ANO2: variants seen among roughly 807,000 people sequenced by gnomAD.
ANO2 encodes the protein anoctamin-2.
ANO2 carries 101 observed loss-of-function variants against 124.2 expected under a neutral mutation model. The observed-to-expected ratio is 0.81, with a 90% CI of 0.69 to 0.96. ANO2 has a LOEUF of 0.96. Ranked by LOEUF, ANO2 falls within the 40% of genes least tolerant of loss-of-function variation. ANO2 has a pLI of 0.00. For synonymous variants in ANO2, 486 were observed against 482.5 expected (o/e 1.01, Z -0.09); for missense variants, 1,293 against 1,274.5 (o/e 1.01, Z -0.22).
At chr12:5,939,485 G>A (rs1942809259) in intron 1 of ANO2, among the ~76,000 whole-genome samples, 1 of 151,956 alleles carries the variant, frequency 6.6e-6, no homozygotes, top group South Asian at 2.1e-4. Flanking sequence ...CCCCACCTGT[G>A]GTATGCAGAA....
rs1289995995 is a variant in ANO2 at position 5,923,177 on chromosome 12, CACACACAT to C, written c.23-381_23-374del. ...ACACACACGCATACACACACACGCA[CACACACAT>C]ACACACACACGCACGCACACACACC... On this transcript the variant is annotated intron_variant, in intron 1 of 24. Coordinates refer to ENST00000682330, the MANE Select transcript of ANO2 (RefSeq NM_001364791.2). Among the ~76,000 whole-genome samples, 102 of 63,746 alleles carry C rather than the reference CACACACAT, an allele frequency of 1.6e-3. 11 individuals carry two copies. The highest frequency in any genetic ancestry group is 3.9e-3 in the African/African-American group (93 of 23,860). The allele number at this position is 63,746 out of a possible 152,430, so 41.8% of individuals were successfully genotyped here. A position where few individuals can be genotyped will look rare whatever the true frequency, so the allele number is the denominator to read the frequency against.
intron 19 of ANO2, among the ~76,000 whole-genome samples, chr12:5,608,454 A>C (rs1944324471): frequency 6.6e-6 from 1 of 152,052 alleles, no homozygotes; most frequent in Non-Finnish European, 1.5e-5. Context: ...GTAGAAATTG[A>C]AAGGAAACAT....
intron 1 of ANO2, among the ~76,000 whole-genome samples, chr12:5,936,894 A>G (rs1218621595): frequency 6.6e-6 from 1 of 152,214 alleles, no homozygotes; most frequent in African/African-American, 2.4e-5. Context: ...ATTTTTATAG[A>G]ATTTTATTTT....
At chr12:5,682,267 T>G (rs535626538) in intron 14 of ANO2, among the ~76,000 whole-genome samples, 2 of 152,230 alleles carry the variant, frequency 1.3e-5, no homozygotes, top group East Asian at 3.8e-4. Context: ...GCATTTCTAC[T>G]AGATTGAATT....
Position 5,612,764 on chromosome 12 carries a change from G to A in ANO2, c.1987-8C>T. ...ACAGCCCCCTGGAGCACACTGCAGG[G>A]AGAAGATAAGGAAAGGACCGGTTAG... On this transcript the variant is annotated splice_polypyrimidine_tract_variant and splice_region_variant and intron_variant, in intron 18 of 24. Transcript: ENST00000682330. 2 of 1,613,666 alleles carry A rather than the reference G, an allele frequency of 1.2e-6. No homozygotes were observed. The highest frequency in any genetic ancestry group is 1.1e-5 in the South Asian group (1 of 91,072).
chr12:5,572,193 G>T (rs1942167150), intron 23 of ANO2, among the ~76,000 whole-genome samples: 1 of 152,086 alleles, frequency 6.6e-6, no homozygotes, highest in African/African-American at 2.4e-5. Context: ...CCTTAATATG[G>T]AGTTTGTTTT....
intron 3 of ANO2, 134 bp downstream of exon 3, chr12:5,920,906 G>T (rs1941659482): frequency 1.9e-6 from 2 of 1,062,942 alleles, no homozygotes; most frequent in East Asian, 2.5e-5. Flanking sequence ...AACAAAATCT[G>T]GTTTCTCCAG....
chr12:5,718,324 T>C (rs1010760793), intron 14 of ANO2, among the ~76,000 whole-genome samples: 19 of 152,220 alleles, frequency 1.2e-4, no homozygotes, highest in African/African-American at 4.6e-4. Context: ...AGGCAGGAAG[T>C]TTATGGTCCT....
chr12:5,752,814 C>G (rs541645327), intron 10 of ANO2, among the ~76,000 whole-genome samples: 3 of 152,160 alleles, frequency 2.0e-5, no homozygotes. Context: ...CTTTTTTCCC[C>G]TGTTTTCTTT....
chr12:5,826,048 T>C lies in ANO2; in HGVS notation c.892+1721A>G, dbSNP rs189110063. On this transcript the variant is annotated intron_variant, in intron 7 of 24. Coordinates refer to ENST00000682330, the MANE Select transcript of ANO2 (RefSeq NM_001364791.2). ...TGTTAAAAACATGTTTGTGCATGTA[T>C]ACACTTGCACTAAGAAATATCTTCA... is the stretch of plus-strand genomic sequence containing the variant. Among the ~76,000 whole-genome samples, 633 of 152,382 alleles carry C rather than the reference T, an allele frequency of 4.2e-3. 3 individuals carry two copies. The highest frequency in any genetic ancestry group is 6.8e-3 in the Middle Eastern group (2 of 294).
At chr12:5,696,543 C>T (rs919018572) in intron 14 of ANO2, among the ~76,000 whole-genome samples, 4 of 152,084 alleles carry the variant, frequency 2.6e-5, no homozygotes, top group African/African-American at 7.2e-5. Flanking sequence ...TTTTATCAAA[C>T]TCTCAAGCAA....
At chr12:5,610,100 T>C (rs1456041679) in intron 19 of ANO2, among the ~76,000 whole-genome samples, 1 of 133,542 alleles carries the variant, frequency 7.5e-6, no homozygotes, top group Non-Finnish European at 1.5e-5. Flanking sequence ...ATATTTATAT[T>C]ATATTTTATT....
At chr12:5,621,598 A>C (rs2136919031) in intron 16 of ANO2, among the ~76,000 whole-genome samples, 1 of 152,316 alleles carries the variant, frequency 6.6e-6, no homozygotes, top group Admixed American at 6.5e-5. Context: ...ATTTTCATTA[A>C]GTGCTGCTGT....
chr12:5,571,581 C>T (rs1416813332), intron 23 of ANO2, among the ~76,000 whole-genome samples: 3 of 152,190 alleles, frequency 2.0e-5, no homozygotes, highest in African/African-American at 7.2e-5. Context: ...TCATGGCAAA[C>T]CTTGTTTCCC....
At chr12:5,845,811 C>A (rs1049919128) in intron 4 of ANO2, among the ~76,000 whole-genome samples, 3 of 152,176 alleles carry the variant, frequency 2.0e-5, no homozygotes, top group African/African-American at 7.2e-5. Flanking sequence ...TTTCAATTTT[C>A]TCATCTATAA....
chr12:5,909,440 G>C (rs1940905548), intron 3 of ANO2, among the ~76,000 whole-genome samples: 1 of 152,174 alleles, frequency 6.6e-6, no homozygotes, highest in African/African-American at 2.4e-5. Context: ...TGGGAAGACA[G>C]TACTGTCAGA....
At chr12:5,879,155 A>G (rs761824379) in intron 3 of ANO2, among the ~76,000 whole-genome samples, 13 of 152,232 alleles carry the variant, frequency 8.5e-5, no homozygotes, top group Non-Finnish European at 1.3e-4. Flanking sequence ...GAAAGGAAGC[A>G]GAAGCAGGGT....
At chr12:5,695,000 C>T (rs1024583895) in intron 14 of ANO2, among the ~76,000 whole-genome samples, 15 of 152,102 alleles carry the variant, frequency 9.9e-5, no homozygotes, top group Admixed American at 4.6e-4. Flanking sequence ...CACTCAGAAC[C>T]GTGTCTGGTG....
chr12:5,858,147 T>C (rs1293256028), intron 3 of ANO2, among the ~76,000 whole-genome samples: 3 of 152,210 alleles, frequency 2.0e-5, no homozygotes, highest in African/African-American at 7.2e-5. Flanking sequence ...TAATTTATTG[T>C]ATGTTTCCAA....
Sources: gnomAD v4.1 joint callset for allele counts (sites outside exome capture counted in the v4.1 genomes callset) on GRCh38, gnomAD v4.1.1 for gene constraint, MANE v1.5 for transcripts, NCBI Gene and HGNC (gene_info 2026-07-23, HGNC 2026-07-21) for gene names.